The following CSMD1 variants were observed in gnomAD, a reference collection of about 807,000 sequenced individuals.
CSMD1 encodes the protein CUB and Sushi multiple domains 1, also known as CUB and sushi domain-containing protein 1.
CSMD1 carries 213 observed loss-of-function variants against 417.5 expected under a neutral mutation model. That is an observed-to-expected ratio of 0.51 (90% CI 0.46 to 0.57). The LOEUF (loss-of-function observed/expected upper bound fraction) is 0.57, where lower values mean the gene tolerates loss of function less well. Ranked by LOEUF, CSMD1 falls within the 20% of genes least tolerant of loss-of-function variation. CSMD1 has a pLI of 0.00. For synonymous variants in CSMD1, 2,862 were observed against 1,736.8 expected (o/e 1.65, Z -16.11); for missense variants, 6,923 against 4,529.7 (o/e 1.53, Z -15.17).
intron 18 of CSMD1, among the ~76,000 whole-genome samples, chr8:3,381,648 C>A (rs1810634037): frequency 6.6e-6 from 1 of 152,128 alleles, no homozygotes; most frequent in Admixed American, 6.5e-5. Context: ...TATCATCCTT[C>A]TGACACTAAA....
chr8:4,427,283 G>C (rs545833744), intron 2 of CSMD1, among the ~76,000 whole-genome samples: 39 of 152,256 alleles, frequency 2.6e-4, no homozygotes, highest in Non-Finnish European at 4.3e-4. Context: ...ATGTGGCCTT[G>C]GTGAGCAGGT....
intron 31 of CSMD1, among the ~76,000 whole-genome samples, chr8:3,203,227 T>A (rs1429885898): frequency 2.6e-5 from 4 of 152,174 alleles, no homozygotes; most frequent in Non-Finnish European, 5.9e-5. Context: ...GGATTTTGAG[T>A]ACAAGATGTC....
intron 3 of CSMD1, among the ~76,000 whole-genome samples, chr8:4,198,806 G>C (rs542734129): frequency 6.6e-6 from 1 of 152,008 alleles, no homozygotes; most frequent in Non-Finnish European, 1.5e-5. Flanking sequence ...GATTAACAGA[G>C]GTCATGGCAC....
rs114531723 is a variant in CSMD1, at chr8:3,526,452, T to C, written c.1345-32726A>G. Among the ~76,000 whole-genome samples, 749 of 152,218 alleles carry C rather than the reference T, an allele frequency of 4.9e-3. 5 individuals carry two copies. The highest frequency in any genetic ancestry group is 0.017 in the African/African-American group (715 of 41,516). ...GTATGCAGTTTAGACACAGCAGATA[T>C]ATTACCAGAAGCTGGCTATTCTGTA... On this transcript the variant is annotated intron_variant, in intron 10 of 69. Transcript: ENST00000635120.
At chr8:4,771,284 T>G (rs958689298) in intron 1 of CSMD1, among the ~76,000 whole-genome samples, 2 of 152,196 alleles carry the variant, frequency 1.3e-5, no homozygotes, top group Non-Finnish European at 2.9e-5. Flanking sequence ...AATACCAATG[T>G]TCTCTACCAT....
chr8:3,054,429 G>A (rs894594741), intron 49 of CSMD1, among the ~76,000 whole-genome samples: 1 of 152,100 alleles, frequency 6.6e-6, no homozygotes, highest in Non-Finnish European at 1.5e-5. Context: ...ATTAGCCTGG[G>A]CAACATGGTG....
At chr8:3,641,994 C>A (rs914480304) in intron 7 of CSMD1, among the ~76,000 whole-genome samples, 1 of 152,096 alleles carries the variant, frequency 6.6e-6, no homozygotes, top group African/African-American at 2.4e-5. Flanking sequence ...AAGAGATTAG[C>A]AGCCCCAGAA....
At chr8:4,106,713 C>T (rs866170922) in intron 3 of CSMD1, among the ~76,000 whole-genome samples, 1 of 152,008 alleles carries the variant, frequency 6.6e-6, no homozygotes, top group Non-Finnish European at 1.5e-5. Flanking sequence ...ATCTGATGTG[C>T]GTTTTATACA....
intron 1 of CSMD1, among the ~76,000 whole-genome samples, chr8:4,665,836 T>G (rs1279279553): frequency 6.6e-6 from 1 of 152,226 alleles, no homozygotes; most frequent in Non-Finnish European, 1.5e-5. Flanking sequence ...AAAGTCTTCC[T>G]GTAGACATGT....
intron 2 of CSMD1, among the ~76,000 whole-genome samples, chr8:4,617,186 T>C (rs1180802301): frequency 6.6e-6 from 1 of 152,164 alleles, no homozygotes; most frequent in East Asian, 1.9e-4. Context: ...GCCACTTTGA[T>C]TTAATCAAAT....
At chr8:4,092,852 A>G (rs999610834) in intron 3 of CSMD1, among the ~76,000 whole-genome samples, 2 of 152,188 alleles carry the variant, frequency 1.3e-5, no homozygotes, top group Non-Finnish European at 2.9e-5. Context: ...CTGGTTGAAT[A>G]ATCATTATAA....
At position 3,776,533 on chromosome 8, in the gene CSMD1, G is replaced by A. The variant is rs192580122; in HGVS notation, c.819-22491C>T. Among the ~76,000 whole-genome samples the A allele has an allele frequency of 5.7e-4, 86 of 152,174 alleles. No homozygotes were observed. In the East Asian group the frequency reaches 7.2e-3, roughly 13 times the overall value. On this transcript the variant is annotated intron_variant, in intron 5 of 69. Coordinates refer to ENST00000635120, the MANE Select transcript of CSMD1 (RefSeq NM_033225.6). ...ACCCTGGGGCCTTGGAACTTGCTGT[G>A]CCCTCTGCATAGAATGCCAGATATT...
intron 2 of CSMD1, among the ~76,000 whole-genome samples, chr8:4,597,242 A>T (rs17070729): frequency 0.012 from 1,858 of 152,286 alleles, 40 homozygotes; most frequent in African/African-American, 0.043. Context: ...AATAGTGGTG[A>T]TATATTATCC....
chr8:4,137,045 G>C (rs1048685789), intron 3 of CSMD1, among the ~76,000 whole-genome samples: 1 of 152,186 alleles, frequency 6.6e-6, no homozygotes, highest in African/African-American at 2.4e-5. Flanking sequence ...CAGTTGGTTG[G>C]CTTTTCGGGC....
intron 3 of CSMD1, among the ~76,000 whole-genome samples, chr8:4,258,925 T>C (rs544125044): frequency 5.3e-5 from 8 of 152,308 alleles, no homozygotes; most frequent in South Asian, 4.1e-4. Context: ...GACTATGTTA[T>C]AGACAAACTT....
chr8:4,539,547 C>A (rs1262399334), intron 2 of CSMD1, among the ~76,000 whole-genome samples: 1 of 152,168 alleles, frequency 6.6e-6, no homozygotes, highest in Non-Finnish European at 1.5e-5. Context: ...ACATATTTAG[C>A]AAACTTCCAA....
In CSMD1 at chr8:4,084,282, T is replaced by A. The variant is rs77246799; in HGVS notation, c.416-52183A>T. On this transcript the variant is annotated intron_variant, in intron 3 of 69. Transcript: ENST00000635120. ...AGTGAAAAGACAAAAATTGGAAAAA[T>A]CTTTCAACTTTTATGAAAAAAGTGA... Among the ~76,000 whole-genome samples the A allele has an allele frequency of 1.4e-3, 211 of 151,460 alleles. 1 individual carries two copies. The East Asian group carries it at 0.037, about 27-fold the overall frequency.
At chr8:3,373,018 T>G (rs1324317287) in intron 18 of CSMD1, among the ~76,000 whole-genome samples, 3 of 152,222 alleles carry the variant, frequency 2.0e-5, no homozygotes, top group Non-Finnish European at 4.4e-5. Context: ...TCTCAAATTT[T>G]TATGAAGACG....
At chr8:3,969,906 A>C (rs1381914194) in intron 5 of CSMD1, among the ~76,000 whole-genome samples, 4 of 151,516 alleles carry the variant, frequency 2.6e-5, no homozygotes, top group Admixed American at 2.6e-4. Context: ...TTGCAAAAAC[A>C]AACAAACCAA....
Sources: allele counts gnomAD v4.1 joint callset (sites outside exome capture counted in the v4.1 genomes callset), GRCh38; gene constraint gnomAD v4.1.1; transcripts MANE v1.5; gene names NCBI Gene and HGNC (gene_info 2026-07-23, HGNC 2026-07-21).